The following TMED3 variants were observed in gnomAD, a reference collection of about 807,000 sequenced individuals.
The protein encoded by TMED3 is transmembrane emp24 domain-containing protein 3.
TMED3 carries 9 observed loss-of-function variants against 15.0 expected under a neutral mutation model. That is an observed-to-expected ratio of 0.60 (90% CI 0.36 to 1.04). The LOEUF is 1.04. TMED3 is among the 50% of genes least tolerant of loss of function. TMED3 has a pLI of 0.01. For synonymous variants in TMED3, 117 were observed against 121.4 expected (o/e 0.96, Z 0.24); for missense variants, 267 against 278.9 (o/e 0.96, Z 0.30).
chr15:79,314,502 A>G (rs904033278), intron 2 of TMED3: 4 of 454,382 alleles, frequency 8.8e-6, no homozygotes, highest in African/African-American at 8.0e-5. Flanking sequence ...TCAGGAATCC[A>G]GGCTCATTCT....
In TMED3 at chr15:79,319,393, A is replaced by G. The variant is rs572218751; in HGVS notation, c.418-2585A>G. 2.6e-5 allele frequency among the ~76,000 whole-genome samples: 4 copies of G among 152,334 alleles called. No homozygotes were observed. In the South Asian group the frequency reaches 6.2e-4, roughly 24 times the overall value. On this transcript the variant is annotated intron_variant, in intron 2 of 2. Transcript: ENST00000299705. ...AGTTCAGCTCCTAGAATGGCCCAGAATTAAGGATACCCAATGAGGCAAGTA... is the reference window on the plus strand; with the variant it reads ...AGTTCAGCTCCTAGAATGGCCCAGAGTTAAGGATACCCAATGAGGCAAGTA...
intron 2 of TMED3, among the ~76,000 whole-genome samples, chr15:79,377,877 A>C (rs1893458274): frequency 6.6e-6 from 1 of 151,954 alleles, no homozygotes; most frequent in Admixed American, 6.6e-5. Context: ...CGATCTCCTG[A>C]CCTCATGATC....
intron 2 of TMED3, among the ~76,000 whole-genome samples, chr15:79,373,284 G>T (rs1893374149): frequency 6.6e-6 from 1 of 152,170 alleles, no homozygotes. Context: ...ATGCTAGTCT[G>T]GGAACTTTGT....
chr15:79,359,182 A>G (rs940613816), intron 2 of TMED3, among the ~76,000 whole-genome samples: 12 of 150,082 alleles, frequency 8.0e-5, no homozygotes, highest in Non-Finnish European at 1.6e-4. Context: ...CTGTGTGCTT[A>G]TTTGCATACC....
Position 79,311,992 on chromosome 15 carries a change from T to A in TMED3, c.168+575T>A, listed in dbSNP as rs1396232587. 4.6e-5 allele frequency among the ~76,000 whole-genome samples: 7 copies of A among 152,208 alleles called. No individual in the cohort carries two copies. In the South Asian group the frequency reaches 8.3e-4, roughly 18 times the overall value. ...GAGCGGTGTGGCTGCAAGACTTGGCTCTTGCCATATGGCTTAGAAAAGCTC... is the reference window on the plus strand; with the variant it reads ...GAGCGGTGTGGCTGCAAGACTTGGCACTTGCCATATGGCTTAGAAAAGCTC... On this transcript the variant is annotated intron_variant, in intron 1 of 2. Coordinates refer to ENST00000299705, the MANE Select transcript of TMED3 (RefSeq NM_007364.4).
In TMED3 at chr15:79,351,305, G is replaced by A. The variant is rs543214108; in HGVS notation, c.417+37300G>A. Among the ~76,000 whole-genome samples, 13 of 152,202 alleles carry A rather than the reference G, an allele frequency of 8.5e-5. No individual in the cohort carries two copies. The South Asian group carries it at 1.0e-3, about 12-fold the overall frequency. On this transcript the variant is annotated intron_variant, in intron 2 of 2. Coordinates refer to the TMED3 transcript ENST00000424155. ...AACTGAATGATTTCCAAGAGTCTAC[G>A]GCTCTGATATTCTGAGGCTTCTCAA... is the stretch of plus-strand genomic sequence containing the variant.
chr15:79,397,657 GCTTCT>G (rs1893777953), intron 2 of TMED3, among the ~76,000 whole-genome samples: 1 of 152,180 alleles, frequency 6.6e-6, no homozygotes, highest in Non-Finnish European at 1.5e-5. Context: ...ATTTGCTTCA[GCTTCT>G]CTTCTCCCAG....
At chr15:79,312,374 A>G (rs957791381) in intron 1 of TMED3, among the ~76,000 whole-genome samples, 2 of 152,176 alleles carry the variant, frequency 1.3e-5, no homozygotes, top group African/African-American at 2.4e-5. Context: ...AACATGGGCA[A>G]CCTAGGTGCA....
chr15:79,393,727 A>G (rs932281174), intron 2 of TMED3, among the ~76,000 whole-genome samples: 2 of 152,182 alleles, frequency 1.3e-5, no homozygotes, highest in African/African-American at 4.8e-5. Flanking sequence ...ACAGGGTCTT[A>G]CTATGTTGCC....
chr15:79,356,162 A>C (rs1275446585), intron 2 of TMED3, among the ~76,000 whole-genome samples: 3 of 152,184 alleles, frequency 2.0e-5, no homozygotes, highest in Non-Finnish European at 4.4e-5. Context: ...ATATGTGTCC[A>C]CGTGACACTT....
chr15:79,340,046 C>T (rs1809916210), intron 2 of TMED3, among the ~76,000 whole-genome samples: 2 of 152,150 alleles, frequency 1.3e-5, no homozygotes, highest in Non-Finnish European at 2.9e-5. Context: ...AGACTAAACC[C>T]TCCAAAGCCA....
chr15:79,404,229 C>T (rs1298831803), intron 2 of TMED3, among the ~76,000 whole-genome samples: 5 of 152,108 alleles, frequency 3.3e-5, no homozygotes, highest in Non-Finnish European at 7.3e-5. Context: ...GTGACAATTC[C>T]CTGTTAGGTG....
intron 2 of TMED3, among the ~76,000 whole-genome samples, chr15:79,377,072 C>G (rs1005418111): frequency 6.6e-6 from 1 of 152,174 alleles, no homozygotes; most frequent in East Asian, 1.9e-4. Flanking sequence ...GCAGAGATTA[C>G]AGGTATTACA....
At chr15:79,314,042 C>G in intron 2 of TMED3, 37 bp downstream of exon 2, 2 of 1,608,388 alleles carry the variant, frequency 1.2e-6, no homozygotes, top group African/African-American at 1.3e-5. Context: ...TGCTGAACCC[C>G]CTAGCGTGTT....
intron 2 of TMED3, among the ~76,000 whole-genome samples, chr15:79,347,720 C>T (rs1465397381): frequency 6.6e-6 from 1 of 152,168 alleles, no homozygotes; most frequent in African/African-American, 2.4e-5. Context: ...AAATTACTAA[C>T]ATTCTTATAC....
At chr15:79,373,409 C>A (rs1017040680) in intron 2 of TMED3, among the ~76,000 whole-genome samples, 1 of 152,202 alleles carries the variant, frequency 6.6e-6, no homozygotes, top group South Asian at 2.1e-4. Context: ...TTAATGTGAG[C>A]AAGCCCATCC....
intron 2 of TMED3, among the ~76,000 whole-genome samples, chr15:79,407,848 ATCTG>A (rs1425982547): frequency 6.6e-6 from 1 of 152,172 alleles, no homozygotes; most frequent in African/African-American, 2.4e-5. Context: ...GATTTATGCT[ATCTG>A]TCTAAGAAAA....
downstream of TMED3, among the ~76,000 whole-genome samples, chr15:79,326,011 A>C (rs1283747120): frequency 6.6e-6 from 1 of 152,160 alleles, no homozygotes; most frequent in Non-Finnish European, 1.5e-5. Flanking sequence ...CTTCACAGAC[A>C]CACCCAGAAA....
chr15:79,311,187 C>A lies in TMED3; in HGVS notation c.-63C>A. 1.3e-6 allele frequency: 2 copies of A among 1,512,898 alleles called. No individual in the cohort carries two copies. The highest frequency in any genetic ancestry group is 1.3e-5 in the South Asian group (1 of 79,294). 93.7% of individuals were successfully genotyped at this position (1,512,898 alleles called of 1,614,324 possible). A position where few individuals can be genotyped will look rare whatever the true frequency, so the allele number is the denominator to read the frequency against. Reference sequence around the variant, plus strand: ...CTCCTAGGACCCGGTCGGTAGTCGTCGCCCCAGCCCGCCGGGGGCGCAGCG... The same window carrying A: ...CTCCTAGGACCCGGTCGGTAGTCGTAGCCCCAGCCCGCCGGGGGCGCAGCG... On this transcript the variant is annotated 5_prime_UTR_variant, in exon 1 of 3. Transcript: ENST00000299705.
Sources: gnomAD v4.1 joint callset for allele counts (sites outside exome capture counted in the v4.1 genomes callset) on GRCh38, gnomAD v4.1.1 for gene constraint, MANE v1.5 for transcripts, NCBI Gene and HGNC (gene_info 2026-07-23, HGNC 2026-07-21) for gene names.